The following CATSPERB variants were observed in gnomAD, a reference collection of about 807,000 sequenced individuals.
The protein encoded by CATSPERB is catsper channel auxiliary subunit beta.
CATSPERB carries 93 observed loss-of-function variants against 128.3 expected under a neutral mutation model. The ratio of observed to expected loss-of-function variants is 0.72; its 90% CI spans 0.61 to 0.86. The LOEUF is 0.86. Among genes scored for constraint, CATSPERB ranks in the 40% least tolerant of loss-of-function variants. The pLI is 0.00. For synonymous variants in CATSPERB, 381 were observed against 448.8 expected, an observed-to-expected ratio of 0.85 and a Z score of 1.91; for missense variants, 1,153 against 1,329.5, an observed-to-expected ratio of 0.87 and a Z score of 2.06.
At chr14:91,711,880 C>T (rs1895845633) in intron 5 of CATSPERB, among the ~76,000 whole-genome samples, 1 of 152,260 alleles carries the variant, frequency 6.6e-6, no homozygotes, top group African/African-American at 2.4e-5. Flanking sequence ...GCCCTCTAAA[C>T]ATAATGGAAT....
chr14:91,647,834 G>A (rs188751086), intron 15 of CATSPERB, among the ~76,000 whole-genome samples: 7 of 152,248 alleles, frequency 4.6e-5, no homozygotes, highest in Admixed American at 4.6e-4. Context: ...ATATCACCAA[G>A]GTTTTGTTTT....
intron 20 of CATSPERB, among the ~76,000 whole-genome samples, chr14:91,613,157 T>C (rs531807459): frequency 1.5e-4 from 23 of 152,256 alleles, no homozygotes; most frequent in Non-Finnish European, 3.1e-4. Context: ...GAGATGTATA[T>C]TGAAGTATGT....
intron 17 of CATSPERB, among the ~76,000 whole-genome samples, chr14:91,632,795 G>A (rs1447673569): frequency 1.4e-5 from 2 of 141,420 alleles, no homozygotes; most frequent in South Asian, 2.4e-4. Flanking sequence ...CTAGCCCACT[G>A]ATTGAGTTAA....
intron 18 of CATSPERB, among the ~76,000 whole-genome samples, chr14:91,624,550 A>G (rs1894116853): frequency 6.6e-6 from 1 of 152,034 alleles, no homozygotes; most frequent in Non-Finnish European, 1.5e-5. Flanking sequence ...CTGAAGCAGG[A>G]GAATCGCTTG....
At chr14:91,627,615 T>C (rs1212503576) in intron 17 of CATSPERB, among the ~76,000 whole-genome samples, 1 of 152,164 alleles carries the variant, frequency 6.6e-6, no homozygotes. Context: ...TGGAGGGAAC[T>C]AATGGAAGAT....
At chr14:91,686,557 C>T (rs1895378731) in intron 10 of CATSPERB, among the ~76,000 whole-genome samples, 1 of 152,124 alleles carries the variant, frequency 6.6e-6, no homozygotes, top group Non-Finnish European at 1.5e-5. Flanking sequence ...ATCCCAGCAC[C>T]CTTCTACCTT....
chr14:91,719,926 T>G (rs1428427155), intron 4 of CATSPERB, among the ~76,000 whole-genome samples: 1 of 152,146 alleles, frequency 6.6e-6, no homozygotes. Context: ...ACCAAATTCT[T>G]GGGCAATAAA....
rs151036956 is a variant in CATSPERB at position 91,637,283 on chromosome 14, T to C, written c.1588-704A>G. On this transcript the variant is annotated intron_variant, in intron 16 of 26. Coordinates refer to ENST00000256343, the MANE Select transcript of CATSPERB (RefSeq NM_024764.4). Reference sequence around the variant, plus strand: ...TGCAGACTGGTTGGGGACACATCTGTCCCATAGTGCCTCCAAGACTCATCT... The same window carrying C: ...TGCAGACTGGTTGGGGACACATCTGCCCCATAGTGCCTCCAAGACTCATCT... 1.1e-4 allele frequency among the ~76,000 whole-genome samples: 17 copies of C among 152,266 alleles called. No homozygotes were observed. The East Asian group carries it at 3.3e-3, about 29-fold the overall frequency.
intron 5 of CATSPERB, among the ~76,000 whole-genome samples, chr14:91,717,050 C>A (rs183355618): frequency 8.5e-5 from 13 of 152,286 alleles, no homozygotes; most frequent in Non-Finnish European, 1.6e-4. Context: ...CACTACCCAA[C>A]AAGAACACTA....
At chr14:91,727,931 C>T (rs1033767961) in intron 2 of CATSPERB, among the ~76,000 whole-genome samples, 8 of 152,086 alleles carry the variant, frequency 5.3e-5, no homozygotes, top group African/African-American at 1.9e-4. Flanking sequence ...AGACTGGAAC[C>T]AAGTTGTTTC....
chr14:91,683,738 C>T, intron 11 of CATSPERB, 139 bp downstream of exon 11: 1 of 552,326 alleles, frequency 1.8e-6, no homozygotes, highest in East Asian at 3.1e-5. Context: ...TGCCTCCCAC[C>T]CCAAGTGCCC....
rs115874959 is a variant in CATSPERB at position 91,726,701 on chromosome 14, A to G, written c.80-1533T>C. Among the ~76,000 whole-genome samples the G allele has an allele frequency of 5.2e-3, 790 of 152,328 alleles. 7 individuals are homozygous for G. Among genetic ancestry groups the G allele is most frequent in the African/African-American group, 0.018 (738 of 41,568 alleles). ...GAAGAACTGTAGATGAGAGATTCCC[A>G]GTAATGTGAGGGAGGGGAAGGGGCT... On this transcript the variant is annotated intron_variant, in intron 2 of 26. Transcript: ENST00000256343.
intron 11 of CATSPERB, among the ~76,000 whole-genome samples, chr14:91,682,245 A>G (rs1895294993): frequency 6.6e-6 from 1 of 151,998 alleles, no homozygotes; most frequent in Admixed American, 6.6e-5. Flanking sequence ...TGAATTTCCT[A>G]TTTGCCAGGA....
rs1406880251 is a variant in CATSPERB, at chr14:91,669,952, G to C, written c.1149C>G (p.Ala383=). Residue 383 remains alanine, a synonymous_variant, in exon 14 of 27, where the codon GCC becomes GCG. Coordinates refer to ENST00000256343, the MANE Select transcript of CATSPERB (RefSeq NM_024764.4). ...FYNKVRKTAI[A]SVSTLRNNEP... ...CATTATTTCTCAGGGTGCTCACAGA[G>C]GCAATGGCAGTTTTCCTGACCTAGG... 6.2e-7 allele frequency: 1 copy of C among 1,612,734 alleles called. No homozygotes were observed. The highest frequency in any genetic ancestry group is 1.7e-4 in the Middle Eastern group (1 of 6,058).
intron 10 of CATSPERB, among the ~76,000 whole-genome samples, chr14:91,691,258 G>C (rs1231423249): frequency 6.6e-6 from 1 of 152,140 alleles, no homozygotes; most frequent in Non-Finnish European, 1.5e-5. Flanking sequence ...AGGAAACGGG[G>C]TGGGGGTGAC....
At chr14:91,644,581 CT>C (rs1417752382) in intron 15 of CATSPERB, among the ~76,000 whole-genome samples, 1 of 97,664 alleles carries the variant, frequency 1.0e-5, no homozygotes, top group African/African-American at 4.0e-5. Flanking sequence ...GAGAGATCCG[CT>C]GTTAGTCTGA....
intron 15 of CATSPERB, among the ~76,000 whole-genome samples, chr14:91,652,171 A>G (rs1023857201): frequency 2.6e-5 from 4 of 152,212 alleles, no homozygotes; most frequent in Non-Finnish European, 5.9e-5. Flanking sequence ...TTACAAGAAG[A>G]TATTTCCAAG....
intron 4 of CATSPERB, among the ~76,000 whole-genome samples, chr14:91,719,684 TG>T (rs1295273303): frequency 6.6e-6 from 1 of 152,230 alleles, no homozygotes; most frequent in African/African-American, 2.4e-5. Flanking sequence ...TTTGCATCAC[TG>T]TAATGGCTGA....
intron 22 of CATSPERB, among the ~76,000 whole-genome samples, chr14:91,596,187 G>A (rs566115140): frequency 1.3e-5 from 2 of 151,924 alleles, no homozygotes; most frequent in East Asian, 1.9e-4. Context: ...GTTAGAGTCT[G>A]ATAGCTAATT....
Sources: allele counts gnomAD v4.1 joint callset (sites outside exome capture counted in the v4.1 genomes callset), GRCh38; gene constraint gnomAD v4.1.1; transcripts MANE v1.5; gene names NCBI Gene and HGNC (gene_info 2026-07-23, HGNC 2026-07-21).